The following CDK6 variants were observed in gnomAD, a reference collection of about 807,000 sequenced individuals.
CDK6 encodes cyclin dependent kinase 6.
A neutral mutation model predicts 37.1 loss-of-function variants in CDK6; 6 were observed. That is an observed-to-expected ratio of 0.16 (90% CI 0.09 to 0.32). CDK6 has a LOEUF of 0.32. CDK6 is among the 10% of genes least tolerant of loss of function. CDK6 has a pLI of 1.00. For synonymous variants in CDK6, 160 were observed against 161.3 expected (o/e 0.99, Z 0.06); for missense variants, 224 against 418.9 (o/e 0.53, Z 4.06).
chr7:92,611,932 A>C lies in CDK6; in HGVS notation c.*3208T>G, dbSNP rs954877014. 1.3e-5 allele frequency: 3 copies of C among 232,762 alleles called. No homozygotes were observed. Among genetic ancestry groups the C allele is most frequent in the Non-Finnish European group, 1.7e-5 (2 of 117,784 alleles). The allele number at this position is 232,762 out of a possible 1,614,324, so 14.4% of individuals were successfully genotyped here. ...TGAAATGGCCCCAAGCTTTCTTCCA[A>C]AACAGGTTCTTTGCACCTTGAGTTC... is the stretch of plus-strand genomic sequence containing the variant. On this transcript the variant is annotated 3_prime_UTR_variant, in exon 8 of 8. Transcript: ENST00000424848.
rs75193279 is a variant in CDK6, at chr7:92,745,727, C to T, written c.370-19934G>A. On this transcript the variant is annotated intron_variant, in intron 3 of 7. Coordinates refer to ENST00000424848, the MANE Select transcript of CDK6 (RefSeq NM_001145306.2). ...CATGAAAAAATTTTAAATGTAGCCG[C>T]TATTTCCAGGAACCTGTGTTGCTGA... Among the ~76,000 whole-genome samples, 14 of 152,298 alleles carry T rather than the reference C, an allele frequency of 9.2e-5. No individual in the cohort carries two copies. In the East Asian group the frequency reaches 2.7e-3, roughly 29 times the overall value.
chr7:92,728,856 T>C (rs141074238), intron 3 of CDK6, among the ~76,000 whole-genome samples: 221 of 152,300 alleles, frequency 1.5e-3, no homozygotes, highest in African/African-American at 5.2e-3. Context: ...AGTTAACGAC[T>C]TAAAAAACAA....
At chr7:92,732,157 C>T (rs1332672196) in intron 3 of CDK6, among the ~76,000 whole-genome samples, 1 of 152,240 alleles carries the variant, frequency 6.6e-6, no homozygotes, top group Non-Finnish European at 1.5e-5. Context: ...GTGGCCCACA[C>T]CTGTAATCCT....
chr7:92,660,207 G>A (rs1796804700), intron 5 of CDK6, among the ~76,000 whole-genome samples: 1 of 152,194 alleles, frequency 6.6e-6, no homozygotes, highest in Non-Finnish European at 1.5e-5. Flanking sequence ...TGGACAACTT[G>A]TGTGCATGGA....
chr7:92,806,286 T>C (rs1469698273), intron 2 of CDK6, among the ~76,000 whole-genome samples: 1 of 152,138 alleles, frequency 6.6e-6, no homozygotes, highest in Non-Finnish European at 1.5e-5. Flanking sequence ...TTCCCAACTC[T>C]CCCAAAATTC....
At chr7:92,720,749 C>T (rs1585427848) in intron 4 of CDK6, among the ~76,000 whole-genome samples, 1 of 152,180 alleles carries the variant, frequency 6.6e-6, no homozygotes, top group East Asian at 1.9e-4. Flanking sequence ...GTCTCTTTTT[C>T]CCTTATCTTC....
intron 3 of CDK6, among the ~76,000 whole-genome samples, chr7:92,749,375 G>A (rs1196932449): frequency 6.6e-6 from 1 of 152,054 alleles, no homozygotes; most frequent in Non-Finnish European, 1.5e-5. Context: ...TACTTGGGAG[G>A]ATTGCTTCAG....
chr7:92,761,065 T>G (rs568328601), intron 3 of CDK6, among the ~76,000 whole-genome samples: 3 of 152,222 alleles, frequency 2.0e-5, no homozygotes, highest in Non-Finnish European at 4.4e-5. Flanking sequence ...AAGAGCTTTT[T>G]ATATATTAAG....
chr7:92,751,950 A>T (rs2115682386), intron 3 of CDK6, among the ~76,000 whole-genome samples: 1 of 152,326 alleles, frequency 6.6e-6, no homozygotes, highest in South Asian at 2.1e-4. Context: ...GTTAAGTAGG[A>T]GTTAACTCAT....
chr7:92,650,049 T>C lies in CDK6; in HGVS notation c.647+21377A>G, dbSNP rs2282983. 0.43 allele frequency among the ~76,000 whole-genome samples: 65,815 copies of C among 152,048 alleles called. 14,933 individuals carry two copies. The highest frequency in any genetic ancestry group is 0.58 in the African/African-American group (23,970 of 41,470). ...AAACAATCTCCCCTTTGTATAGTTT[T>C]TTCTTCTCACCAATTTGTTACTATA... On this transcript the variant is annotated intron_variant, in intron 5 of 7. Coordinates refer to ENST00000424848, the MANE Select transcript of CDK6 (RefSeq NM_001145306.2).
At chr7:92,752,246 T>C (rs183962811) in intron 3 of CDK6, among the ~76,000 whole-genome samples, 1 of 152,294 alleles carries the variant, frequency 6.6e-6, no homozygotes, top group East Asian at 1.9e-4. Flanking sequence ...AATCAAGATA[T>C]AAAGGTATAG....
At chr7:92,722,224 CATTTA>C (rs1798384925) in intron 4 of CDK6, among the ~76,000 whole-genome samples, 1 of 152,106 alleles carries the variant, frequency 6.6e-6, no homozygotes, top group African/African-American at 2.4e-5. Flanking sequence ...CCCATTCTTT[CATTTA>C]GAGGATGTTA....
intron 4 of CDK6, among the ~76,000 whole-genome samples, chr7:92,715,246 T>C (rs2237574): frequency 0.031 from 4,744 of 152,256 alleles, 237 homozygotes; most frequent in South Asian, 0.2. Flanking sequence ...AAGAGGAAAA[T>C]GAATCTTGTA....
At chr7:92,757,002 A>G (rs1294612078) in intron 3 of CDK6, among the ~76,000 whole-genome samples, 4 of 152,216 alleles carry the variant, frequency 2.6e-5, no homozygotes, top group African/African-American at 9.7e-5. Context: ...ACACAAAGGA[A>G]GAAGTCATGG....
chr7:92,705,912 G>C (rs932261540), intron 4 of CDK6, among the ~76,000 whole-genome samples: 1 of 152,212 alleles, frequency 6.6e-6, no homozygotes, highest in Non-Finnish European at 1.5e-5. Context: ...TCTGAATGGG[G>C]GGCATTCCTG....
At chr7:92,813,754 G>C (rs1025717274) in intron 2 of CDK6, among the ~76,000 whole-genome samples, 23 of 152,176 alleles carry the variant, frequency 1.5e-4, no homozygotes, top group African/African-American at 5.3e-4. Context: ...GCTATTTTGG[G>C]GAGGGGAGGA....
intron 2 of CDK6, among the ~76,000 whole-genome samples, chr7:92,832,705 C>G (rs1376465111): frequency 2.0e-5 from 3 of 152,208 alleles, no homozygotes; most frequent in African/African-American, 4.8e-5. Context: ...CAAAAATTCC[C>G]CAACGGCATG....
At chr7:92,794,714 A>G (rs1800363744) in intron 2 of CDK6, among the ~76,000 whole-genome samples, 1 of 152,018 alleles carries the variant, frequency 6.6e-6, no homozygotes, top group African/African-American at 2.4e-5. Flanking sequence ...TACCTGACTC[A>G]TTGGGGGTGC....
intron 3 of CDK6, among the ~76,000 whole-genome samples, chr7:92,727,779 A>G (rs986107588): frequency 1.4e-4 from 22 of 152,144 alleles, no homozygotes; most frequent in Non-Finnish European, 7.3e-5. Flanking sequence ...TGCATTGGGG[A>G]GGAAAAGCCC....
Sources: allele counts gnomAD v4.1 joint callset (sites outside exome capture counted in the v4.1 genomes callset), GRCh38; gene constraint gnomAD v4.1.1; transcripts MANE v1.5; gene names NCBI Gene and HGNC (gene_info 2026-07-23, HGNC 2026-07-21).